KIF21A: variants seen among roughly 807,000 people sequenced by gnomAD.
The protein encoded by KIF21A is kinesin family member 21A, also known as kinesin-like protein KIF21A.
Under a neutral mutation model 202.9 loss-of-function variants are expected in KIF21A, and 114 were observed. That is an observed-to-expected ratio of 0.56 (90% CI 0.48 to 0.66). The LOEUF is 0.66. KIF21A is among the 30% of genes least tolerant of loss of function. KIF21A has a pLI of 0.00. For synonymous variants in KIF21A, 667 were observed against 670.8 expected (o/e 0.99, Z 0.09); for missense variants, 1,677 against 1,994.9 (o/e 0.84, Z 3.04).
chr12:39,416,794 T>G lies in KIF21A; in HGVS notation c.44+26133A>C, dbSNP rs1047451673. ...ATATATGTACATATATATGTGTATA[T>G]ATATGTACATATATATGTGTGTATA... is the stretch of plus-strand genomic sequence containing the variant. On this transcript the variant is annotated intron_variant, in intron 1 of 37. Transcript: ENST00000361418. 5.3e-4 allele frequency among the ~76,000 whole-genome samples: 63 copies of G among 119,754 alleles called. 3 individuals carry two copies. The highest frequency in any genetic ancestry group is 2.2e-3 in the African/African-American group (62 of 28,168). 78.6% of individuals were successfully genotyped at this position (119,754 alleles called of 152,430 possible).
chr12:39,360,296 T>A (rs1426268515), intron 7 of KIF21A, among the ~76,000 whole-genome samples: 2 of 152,120 alleles, frequency 1.3e-5, no homozygotes, highest in Non-Finnish European at 2.9e-5. Flanking sequence ...TATTTTATTA[T>A]ATTGTATATT....
At chr12:39,333,532 A>G (rs1454943483) in intron 17 of KIF21A, among the ~76,000 whole-genome samples, 1 of 152,132 alleles carries the variant, frequency 6.6e-6, no homozygotes, top group Non-Finnish European at 1.5e-5. Flanking sequence ...AATTTGATAC[A>G]TTTGGTGCTT....
intron 16 of KIF21A, among the ~76,000 whole-genome samples, chr12:39,338,055 C>A (rs1374036763): frequency 6.6e-6 from 1 of 152,022 alleles, no homozygotes; most frequent in Non-Finnish European, 1.5e-5. Flanking sequence ...CTCAGGCAAG[C>A]CCTTGAGAAG....
At chr12:39,440,340 G>C (rs553116007) in intron 1 of KIF21A, among the ~76,000 whole-genome samples, 1 of 152,326 alleles carries the variant, frequency 6.6e-6, no homozygotes, top group South Asian at 2.1e-4. Context: ...AGCTATCTGG[G>C]TTGGAACCCT....
At chr12:39,328,391 G>A (rs537007906) in intron 24 of KIF21A, among the ~76,000 whole-genome samples, 19 of 152,178 alleles carry the variant, frequency 1.2e-4, no homozygotes, top group African/African-American at 2.2e-4. Context: ...AACTCTTATC[G>A]TAGGGAGAGA....
Position 39,326,583 on chromosome 12 carries a change from T to A in KIF21A, c.3341-259A>T, listed in dbSNP as rs149293042. Reference sequence around the variant, plus strand: ...GGTAAACTGTAGAAGAGTAACATCCTTCTGAATGAGATGGGTACATATGAA... The same window carrying A: ...GGTAAACTGTAGAAGAGTAACATCCATCTGAATGAGATGGGTACATATGAA... On this transcript the variant is annotated intron_variant, in intron 24 of 37. Coordinates refer to ENST00000361418, the MANE Select transcript of KIF21A (RefSeq NM_001173464.2). Among the ~76,000 whole-genome samples, 97 of 152,346 alleles carry A rather than the reference T, an allele frequency of 6.4e-4. 1 individual carries two copies. In the Middle Eastern group the frequency reaches 0.024, roughly 37 times the overall value.
At chr12:39,398,280 A>G (rs1346110565) in intron 1 of KIF21A, among the ~76,000 whole-genome samples, 1 of 152,240 alleles carries the variant, frequency 6.6e-6, no homozygotes, top group Non-Finnish European at 1.5e-5. Flanking sequence ...GTTCTTTTAC[A>G]TGAACTCATG....
At chr12:39,422,914 G>T (rs1954421465) in intron 1 of KIF21A, among the ~76,000 whole-genome samples, 1 of 152,182 alleles carries the variant, frequency 6.6e-6, no homozygotes, top group African/African-American at 2.4e-5. Flanking sequence ...GAACACCAGA[G>T]GGAATCAAAT....
intron 17 of KIF21A, among the ~76,000 whole-genome samples, chr12:39,333,674 TC>T (rs1844834094): frequency 6.6e-6 from 1 of 152,166 alleles, no homozygotes; most frequent in African/African-American, 2.4e-5. Flanking sequence ...AATAGAGTCA[TC>T]TTATAATATA....
chr12:39,436,831 A>T (rs1938865857), intron 1 of KIF21A, among the ~76,000 whole-genome samples: 1 of 152,192 alleles, frequency 6.6e-6, no homozygotes, highest in Admixed American at 6.5e-5. Flanking sequence ...TGGGAAACCA[A>T]GTTGAATCCA....
At chr12:39,319,032 T>C (rs1944907121) in intron 28 of KIF21A, among the ~76,000 whole-genome samples, 1 of 151,714 alleles carries the variant, frequency 6.6e-6, no homozygotes, top group African/African-American at 2.4e-5. Flanking sequence ...GCTAAACCCA[T>C]GGTCAAAAAA....
intron 27 of KIF21A, 28 bp from the exon 28 acceptor site, chr12:39,320,041 C>T (rs1292036140): frequency 7.5e-7 from 1 of 1,334,500 alleles, no homozygotes; most frequent in Non-Finnish European, 1.1e-6. Context: ...TCTTTAATTA[C>T]CTAATTCTAA....
chr12:39,293,733 G>GAAAAAAA lies in KIF21A; in HGVS notation c.*684_*690dup, dbSNP rs34373131. On this transcript the variant is annotated 3_prime_UTR_variant, in exon 38 of 38. Transcript: ENST00000361418. Reference sequence around the variant, plus strand: ...ATCACAGAATATATGCACAGCACTGGAAAAAAAAAAAAAAATTAACAGCAT... The same window carrying GAAAAAAA: ...ATCACAGAATATATGCACAGCACTGGAAAAAAAAAAAAAAAAAAAAAATTAACAGCAT... 7.2e-6 allele frequency: 1 copy of GAAAAAAA among 139,254 alleles called. No individual in the cohort carries two copies. 8.6% of individuals were successfully genotyped at this position (139,254 alleles called of 1,614,324 possible).
chr12:39,392,960 C>T (rs1188578495), intron 1 of KIF21A, among the ~76,000 whole-genome samples: 1 of 146,588 alleles, frequency 6.8e-6, no homozygotes, highest in African/African-American at 2.5e-5. Context: ...AAATAAAATT[C>T]AGATTGTGGG....
At chr12:39,424,850 C>G (rs1407370087) in intron 1 of KIF21A, among the ~76,000 whole-genome samples, 2 of 152,128 alleles carry the variant, frequency 1.3e-5, no homozygotes, top group African/African-American at 4.8e-5. Context: ...AGTTATCTTT[C>G]TGAAATGCAT....
intron 11 of KIF21A, among the ~76,000 whole-genome samples, chr12:39,349,306 T>C (rs181048542): frequency 6.6e-6 from 1 of 152,136 alleles, no homozygotes; most frequent in Non-Finnish European, 1.5e-5. Flanking sequence ...TTGGACATCA[T>C]GTATTTACAA....
At chr12:39,430,340 C>T (rs373451289) in intron 1 of KIF21A, among the ~76,000 whole-genome samples, 24 of 151,946 alleles carry the variant, frequency 1.6e-4, no homozygotes, top group African/African-American at 4.3e-4. Flanking sequence ...CCGAGGTGGG[C>T]GGATCACCTG....
chr12:39,364,527 G>A (rs981332803), intron 6 of KIF21A, among the ~76,000 whole-genome samples: 3 of 152,320 alleles, frequency 2.0e-5, no homozygotes, highest in Admixed American at 2.0e-4. Context: ...GAGTATTGGA[G>A]TTGGAAGGTC....
chr12:39,318,326 C>CT (rs1292156796), intron 28 of KIF21A, 125 bp from the exon 29 acceptor site: 10 of 902,786 alleles, frequency 1.1e-5, no homozygotes, highest in African/African-American at 3.4e-5. Context: ...TCCTTTCTTC[C>CT]TTTTTTGTAA....
Sources: gnomAD v4.1 joint callset for allele counts (sites outside exome capture counted in the v4.1 genomes callset) on GRCh38, gnomAD v4.1.1 for gene constraint, MANE v1.5 for transcripts, NCBI Gene and HGNC (gene_info 2026-07-23, HGNC 2026-07-21) for gene names.